The following ADK variants were observed in gnomAD, a reference collection of about 807,000 sequenced individuals.
ADK encodes the protein adenosine kinase.
ADK carries 24 observed loss-of-function variants against 44.7 expected under a neutral mutation model. The ratio of observed to expected loss-of-function variants is 0.54; its 90% CI spans 0.39 to 0.76. The LOEUF (loss-of-function observed/expected upper bound fraction) is 0.76. Among genes scored for constraint, ADK ranks in the 30% least tolerant of loss-of-function variants. The pLI is 0.00. For synonymous variants in ADK, 128 were observed against 142.6 expected, an observed-to-expected ratio of 0.90 and a Z score of 0.73; for missense variants, 321 against 425.1, an observed-to-expected ratio of 0.76 and a Z score of 2.15.
At chr10:74,625,877 G>T (rs1394379301) in intron 9 of ADK, among the ~76,000 whole-genome samples, 3 of 152,070 alleles carry the variant, frequency 2.0e-5, no homozygotes, top group Non-Finnish European at 4.4e-5. Flanking sequence ...ACCACTAGAT[G>T]GGATTTTATT....
intron 6 of ADK, among the ~76,000 whole-genome samples, chr10:74,497,320 A>T (rs979423988): frequency 6.6e-6 from 1 of 152,188 alleles, no homozygotes; most frequent in Non-Finnish European, 1.5e-5. Flanking sequence ...TTGTCTTCAA[A>T]TTGTGCTGAA....
chr10:74,575,597 G>T (rs1003817942), intron 7 of ADK, among the ~76,000 whole-genome samples: 1 of 152,188 alleles, frequency 6.6e-6, no homozygotes, highest in African/African-American at 2.4e-5. Flanking sequence ...GGCATGTTCA[G>T]AGAATAGCAA....
intron 7 of ADK, among the ~76,000 whole-genome samples, chr10:74,581,641 T>C (rs1851377524): frequency 1.3e-5 from 2 of 151,106 alleles, no homozygotes; most frequent in South Asian, 4.2e-4. Flanking sequence ...ATAAGATCAG[T>C]AATAAAGAAA....
At chr10:74,177,188 C>T (rs1210542364) in intron 1 of ADK, among the ~76,000 whole-genome samples, 1 of 151,248 alleles carries the variant, frequency 6.6e-6, no homozygotes, top group East Asian at 1.9e-4. Flanking sequence ...ATGTGCCCCA[C>T]CCGCGCCCCC....
At chr10:74,339,458 C>G (rs1841516109) in intron 4 of ADK, among the ~76,000 whole-genome samples, 1 of 152,186 alleles carries the variant, frequency 6.6e-6, no homozygotes, top group Admixed American at 6.5e-5. Flanking sequence ...CTGCATGTAA[C>G]ATTCTTTTCC....
intron 9 of ADK, among the ~76,000 whole-genome samples, chr10:74,650,749 C>G (rs137906112): frequency 1.3e-5 from 2 of 152,164 alleles, no homozygotes; most frequent in East Asian, 3.9e-4. Context: ...GATATCATGC[C>G]CAGTTTGTAT....
intron 7 of ADK, among the ~76,000 whole-genome samples, chr10:74,535,775 G>A (rs1047736895): frequency 5.3e-5 from 8 of 151,788 alleles, no homozygotes; most frequent in African/African-American, 1.9e-4. Context: ...TAGAGATGGG[G>A]TTTTGCCATG....
At chr10:74,633,574 G>A (rs1338253713) in intron 9 of ADK, among the ~76,000 whole-genome samples, 2 of 152,194 alleles carry the variant, frequency 1.3e-5, no homozygotes, top group East Asian at 1.9e-4. Context: ...CAAACATAAT[G>A]TGGAACAAAG....
At chr10:74,308,107 T>C (rs11000979) in intron 3 of ADK, among the ~76,000 whole-genome samples, 19,539 of 152,260 alleles carry the variant, frequency 0.13, 1,310 homozygotes, top group Middle Eastern at 0.17. Context: ...TAATTCATTT[T>C]ATTTTAATCA....
intron 6 of ADK, among the ~76,000 whole-genome samples, chr10:74,436,372 G>T (rs1490609219): frequency 1.3e-5 from 2 of 151,700 alleles, no homozygotes; most frequent in Non-Finnish European, 2.9e-5. Flanking sequence ...ATGCCACTAC[G>T]CTCCAGCCTG....
At chr10:74,273,231 C>T (rs906465478) in intron 3 of ADK, among the ~76,000 whole-genome samples, 5 of 151,870 alleles carry the variant, frequency 3.3e-5, no homozygotes, top group South Asian at 2.1e-4. Flanking sequence ...ACCTCAGTTG[C>T]GGAGAGCCTC....
chr10:74,435,136 T>G (rs1372441424), intron 6 of ADK, among the ~76,000 whole-genome samples: 1 of 152,086 alleles, frequency 6.6e-6, no homozygotes. Context: ...ATAAGAGATT[T>G]GAGTTTGTAT....
At chr10:74,411,981 C>T (rs1181222473) in intron 6 of ADK, among the ~76,000 whole-genome samples, 1 of 152,174 alleles carries the variant, frequency 6.6e-6, no homozygotes, top group East Asian at 1.9e-4. Flanking sequence ...CTCATCCATT[C>T]AAGTTTTATC....
chr10:74,648,659 A>G (rs1854141379), intron 9 of ADK, among the ~76,000 whole-genome samples: 1 of 152,086 alleles, frequency 6.6e-6, no homozygotes, highest in South Asian at 2.1e-4. Flanking sequence ...GCCTGGTGAC[A>G]AAGCGAGACT....
At chr10:74,238,071 G>A (rs1452519198) in intron 3 of ADK, among the ~76,000 whole-genome samples, 1 of 152,104 alleles carries the variant, frequency 6.6e-6, no homozygotes, top group Non-Finnish European at 1.5e-5. Context: ...TCCAGCCTGG[G>A]CAACAAGAGT....
intron 4 of ADK, among the ~76,000 whole-genome samples, chr10:74,346,896 G>A (rs1434094050): frequency 6.6e-6 from 1 of 151,914 alleles, no homozygotes; most frequent in Non-Finnish European, 1.5e-5. Context: ...GGATCACGAG[G>A]TCAGGAGATT....
chr10:74,566,081 G>A (rs772772152), intron 7 of ADK, among the ~76,000 whole-genome samples: 10 of 151,808 alleles, frequency 6.6e-5, no homozygotes, highest in African/African-American at 1.2e-4. Flanking sequence ...AAATTTATAA[G>A]CATTTGCCTC....
At chr10:74,488,213 A>G (rs896306370) in intron 6 of ADK, among the ~76,000 whole-genome samples, 1 of 151,984 alleles carries the variant, frequency 6.6e-6, no homozygotes, top group Admixed American at 6.6e-5. Flanking sequence ...GACTAAAGAG[A>G]CTTAAGCAAA....
chr10:74,578,918 T>C (rs1851285026), intron 7 of ADK, among the ~76,000 whole-genome samples: 1 of 152,156 alleles, frequency 6.6e-6, no homozygotes, highest in Non-Finnish European at 1.5e-5. Context: ...ACATGGTGGC[T>C]ACATCTTAGC....
Sources: gnomAD v4.1 joint callset for allele counts (sites outside exome capture counted in the v4.1 genomes callset) on GRCh38, gnomAD v4.1.1 for gene constraint, MANE v1.5 for transcripts, NCBI Gene and HGNC (gene_info 2026-07-23, HGNC 2026-07-21) for gene names.